GALNT17: variants seen among roughly 807,000 people sequenced by gnomAD.
GALNT17 encodes the protein polypeptide N-acetylgalactosaminyltransferase 17, also known as UDP-GalNAc:polypeptide N-acetylgalactosaminyltransferase-like 3.
GALNT17 carries 29 observed loss-of-function variants against 63.7 expected under a neutral mutation model. The ratio of observed to expected loss-of-function variants is 0.46; its 90% CI spans 0.34 to 0.62. GALNT17 has a LOEUF of 0.62. Among genes scored for constraint, GALNT17 ranks in the 20% least tolerant of loss-of-function variants. The probability of loss-of-function intolerance (pLI) is 0.01; values close to 1 mark genes in which losing one functional copy is unlikely to be tolerated. For missense variants in GALNT17, 603 were observed against 799.6 expected, an observed-to-expected ratio of 0.75 and a Z score of 2.97; for synonymous variants, 305 against 318.3, an observed-to-expected ratio of 0.96 and a Z score of 0.45.
intron 1 of GALNT17, among the ~76,000 whole-genome samples, chr7:71,177,901 G>A (rs963467120): frequency 2.6e-5 from 4 of 152,126 alleles, no homozygotes; most frequent in Admixed American, 2.6e-4. Flanking sequence ...TAAAAGGAAG[G>A]TAGGGGTTGC....
chr7:71,152,110 G>A (rs2867040), intron 1 of GALNT17, among the ~76,000 whole-genome samples: 1 of 151,576 alleles, frequency 6.6e-6, no homozygotes, highest in South Asian at 2.1e-4. Context: ...TTTTTTCTGC[G>A]TGCCTACCCG....
At chr7:71,573,885 G>A (rs976056908) in intron 6 of GALNT17, among the ~76,000 whole-genome samples, 2 of 152,110 alleles carry the variant, frequency 1.3e-5, no homozygotes, top group Admixed American at 1.3e-4. Flanking sequence ...GTGATGATAT[G>A]TGCTCAATGT....
chr7:71,209,950 T>C (rs980277854), intron 1 of GALNT17, among the ~76,000 whole-genome samples: 12 of 151,892 alleles, frequency 7.9e-5, no homozygotes, highest in African/African-American at 2.9e-4. Context: ...TGGGACAGAG[T>C]TTCGCTCTGT....
intron 1 of GALNT17, among the ~76,000 whole-genome samples, chr7:71,286,511 G>A (rs1300229677): frequency 6.6e-6 from 1 of 151,870 alleles, no homozygotes; most frequent in Non-Finnish European, 1.5e-5. Context: ...TATTATTCCC[G>A]TTCGCAAATA....
At chr7:71,484,501 A>G (rs77272901) in intron 5 of GALNT17, among the ~76,000 whole-genome samples, 131 of 152,228 alleles carry the variant, frequency 8.6e-4, no homozygotes, top group Middle Eastern at 3.4e-3. Context: ...AAAAACTAGT[A>G]TGTATTGGAC....
chr7:71,521,595 G>A (rs73181315), intron 5 of GALNT17, among the ~76,000 whole-genome samples: 29,868 of 152,152 alleles, frequency 0.2, 2,984 homozygotes, highest in Middle Eastern at 0.32. Flanking sequence ...GTGACTGAAC[G>A]CAGTTCTGAG....
chr7:71,301,326 AT>A (rs989083205), intron 1 of GALNT17, among the ~76,000 whole-genome samples: 6 of 147,666 alleles, frequency 4.1e-5, no homozygotes, highest in Middle Eastern at 3.6e-3. Context: ...TTTAAAAAAT[AT>A]TTTTTAATTA....
chr7:71,288,038 G>A (rs1167623336), intron 1 of GALNT17, among the ~76,000 whole-genome samples: 31 of 125,558 alleles, frequency 2.5e-4, no homozygotes, highest in East Asian at 4.4e-4. Context: ...GTGACAGAGC[G>A]AGACTGTCTC....
intron 8 of GALNT17, among the ~76,000 whole-genome samples, chr7:71,673,008 C>T (rs1469499313): frequency 6.6e-6 from 1 of 150,728 alleles, no homozygotes; most frequent in African/African-American, 2.4e-5. Flanking sequence ...GTTTTTTTTT[C>T]CCCCTATCCG....
chr7:71,481,324 A>T (rs1787813284), intron 5 of GALNT17, among the ~76,000 whole-genome samples: 1 of 152,056 alleles, frequency 6.6e-6, no homozygotes, highest in Non-Finnish European at 1.5e-5. Context: ...GTGGGTGCAC[A>T]TGTGTAATCC....
rs1219751607 is a variant in GALNT17, at chr7:71,259,638, G to GTTTTTTTTTTTT, written c.239-75905_239-75904insTTTTTTTTTTTT. Among the ~76,000 whole-genome samples, 75 of 137,990 alleles carry GTTTTTTTTTTTT rather than the reference G, an allele frequency of 5.4e-4. 1 individual carries two copies. Among genetic ancestry groups the GTTTTTTTTTTTT allele is most frequent in the East Asian group, 1.3e-3 (6 of 4,592 alleles). 90.5% of individuals were successfully genotyped at this position (137,990 alleles called of 152,430 possible). A position where few individuals can be genotyped will look rare whatever the true frequency, so the allele number is the denominator to read the frequency against. On this transcript the variant is annotated intron_variant, in intron 1 of 10. Coordinates refer to ENST00000333538, the MANE Select transcript of GALNT17 (RefSeq NM_022479.3). ...AGATCTTGGTCCTGTTTTGTTTTTT[G>GTTTTTTTTTTTT]TTTTTTTGTTTTTTTTTTTTTGAGA... is the stretch of plus-strand genomic sequence containing the variant.
At chr7:71,681,715 C>T (rs1323537606) in intron 9 of GALNT17, among the ~76,000 whole-genome samples, 6 of 152,192 alleles carry the variant, frequency 3.9e-5, no homozygotes, top group Admixed American at 2.0e-4. Flanking sequence ...ATTTGAATGG[C>T]GCACTTATTA....
At chr7:71,241,862 C>G (rs1276706728) in intron 1 of GALNT17, among the ~76,000 whole-genome samples, 1 of 152,134 alleles carries the variant, frequency 6.6e-6, no homozygotes, top group Non-Finnish European at 1.5e-5. Flanking sequence ...GCACCCCTGC[C>G]TAGGTGACAG....
At chr7:71,625,658 A>T (rs1790361517) in intron 6 of GALNT17, among the ~76,000 whole-genome samples, 1 of 152,148 alleles carries the variant, frequency 6.6e-6, no homozygotes, top group African/African-American at 2.4e-5. Context: ...GTGTGATTGC[A>T]AGCAGGTACT....
intron 1 of GALNT17, among the ~76,000 whole-genome samples, chr7:71,328,259 G>A (rs1416806046): frequency 1.3e-5 from 2 of 152,134 alleles, no homozygotes; most frequent in Admixed American, 6.6e-5. Context: ...TGGCAAAAAC[G>A]ACAATTAGTT....
At chr7:71,380,839 A>G (rs889781619) in intron 2 of GALNT17, among the ~76,000 whole-genome samples, 2 of 152,068 alleles carry the variant, frequency 1.3e-5, no homozygotes, top group Non-Finnish European at 2.9e-5. Context: ...GTAAGCTTGC[A>G]GGAGGGAAGT....
At chr7:71,225,482 G>A (rs535796466) in intron 1 of GALNT17, among the ~76,000 whole-genome samples, 4 of 152,290 alleles carry the variant, frequency 2.6e-5, no homozygotes, top group African/African-American at 9.6e-5. Flanking sequence ...GTTTGAGGCT[G>A]GAAACTCACT....
intron 3 of GALNT17, among the ~76,000 whole-genome samples, chr7:71,399,235 C>G (rs189989944): frequency 2.0e-5 from 3 of 152,188 alleles, no homozygotes; most frequent in Non-Finnish European, 2.9e-5. Context: ...TTCCATCCCC[C>G]CTGCCCTCCT....
At chr7:71,155,306 C>T (rs1173510904) in intron 1 of GALNT17, among the ~76,000 whole-genome samples, 1 of 151,754 alleles carries the variant, frequency 6.6e-6, no homozygotes, top group African/African-American at 2.4e-5. Flanking sequence ...CAGGGTCTCA[C>T]TCCGTTGCCC....
Sources: allele counts gnomAD v4.1 joint callset (sites outside exome capture counted in the v4.1 genomes callset), GRCh38; gene constraint gnomAD v4.1.1; transcripts MANE v1.5; gene names NCBI Gene and HGNC (gene_info 2026-07-23, HGNC 2026-07-21).